The following ATP6V1G2 variants were observed in gnomAD, a reference collection of about 807,000 sequenced individuals.
ATP6V1G2 encodes the protein ATPase H+ transporting V1 subunit G2.
In ATP6V1G2, 14 loss-of-function variants were observed where a neutral mutation model predicts 17.8. The observed-to-expected ratio is 0.79, with a 90% confidence interval of 0.52 to 1.23. ATP6V1G2 has a LOEUF of 1.23. ATP6V1G2 is among the 50% of genes most tolerant of loss of function. The probability of loss-of-function intolerance (pLI) is 0.00; values close to 1 mark genes in which losing one functional copy is unlikely to be tolerated. For synonymous variants in ATP6V1G2, 57 were observed against 54.8 expected (o/e 1.04, Z -0.17); for missense variants, 112 against 152.2 (o/e 0.74, Z 1.39).
chr6:31,544,466 T>C lies in ATP6V1G2; in HGVS notation c.*942A>G, dbSNP rs1768794527. The C allele has an allele frequency of 3.9e-6, 1 of 254,450 alleles. No homozygotes were observed. Among genetic ancestry groups the C allele is most frequent in the African/African-American group, 2.2e-5 (1 of 44,512 alleles). 15.8% of individuals were successfully genotyped at this position (254,450 alleles called of 1,614,324 possible). A position where few individuals can be genotyped will look rare whatever the true frequency, so the allele number is the denominator to read the frequency against. ...GAGGCTGCTTCAACTCACCAATTTA[T>C]TTGCCAATAATTATTTTATTGATAC... On this transcript the variant is annotated 3_prime_UTR_variant, in exon 3 of 3. Coordinates refer to ENST00000303892, the MANE Select transcript of ATP6V1G2 (RefSeq NM_130463.4).
rs367650140 is a variant in ATP6V1G2, at chr6:31,546,260, A to G, written c.83-51T>C. On this transcript the variant is annotated intron_variant, in intron 1 of 2. Transcript: ENST00000303892. This position sits in a 1 kb window ranked among gnomAD's most constrained non-coding sequence, Gnocchi z 4.1. ...GTGGGGATGGACCCACACACACACA[A>G]TGTAATAGCAGGAGTCAGTCCCTTC... 2.6e-4 allele frequency: 386 copies of G among 1,512,030 alleles called. No individual in the cohort carries two copies. In the African/African-American group the frequency reaches 3.7e-3, roughly 15 times the overall value. The allele number at this position is 1,512,030 out of a possible 1,614,324, so 93.7% of individuals were successfully genotyped here. A position where few individuals can be genotyped will look rare whatever the true frequency, so the allele number is the denominator to read the frequency against.
In ATP6V1G2 at chr6:31,544,992, G is replaced by A. The variant is rs975431613; in HGVS notation, c.*416C>T. 9.9e-5 allele frequency: 35 copies of A among 353,138 alleles called. No individual in the cohort carries two copies. The highest frequency in any genetic ancestry group is 1.6e-4 in the Non-Finnish European group (29 of 182,500). The allele number at this position is 353,138 out of a possible 1,614,324, so 21.9% of individuals were successfully genotyped here. A position where few individuals can be genotyped will look rare whatever the true frequency, so the allele number is the denominator to read the frequency against. On this transcript the variant is annotated 3_prime_UTR_variant, in exon 3 of 3. Coordinates refer to ENST00000303892, the MANE Select transcript of ATP6V1G2 (RefSeq NM_130463.4). ...CTAATCATTGAAGCAACCCTCACAA[G>A]GTAGGCATTATTATCATCCCAGTTT... is the stretch of plus-strand genomic sequence containing the variant.
In ATP6V1G2 at chr6:31,545,840, C is replaced by G; in HGVS notation, c.184-259G>C. On this transcript the variant is annotated intron_variant, in intron 2 of 2. Coordinates refer to ENST00000303892, the MANE Select transcript of ATP6V1G2 (RefSeq NM_130463.4). The surrounding 1 kb of genome is among the most constrained non-coding windows in gnomAD (Gnocchi z 4.9). ...CCATCCATGACCATAAAACTCTACC[C>G]TCCACCACAAATGTTAATCATACTC... is the stretch of plus-strand genomic sequence containing the variant. 1.6e-6 allele frequency: 1 copy of G among 611,728 alleles called. No homozygotes were observed. Among genetic ancestry groups the G allele is most frequent in the East Asian group, 2.7e-5 (1 of 36,452 alleles). The allele number at this position is 611,728 out of a possible 1,614,324, so 37.9% of individuals were successfully genotyped here.
chr6:31,544,444 G>A lies in ATP6V1G2; in HGVS notation c.*964C>T. On this transcript the variant is annotated 3_prime_UTR_variant, in exon 3 of 3. Coordinates refer to ENST00000303892, the MANE Select transcript of ATP6V1G2 (RefSeq NM_130463.4). ...ATGAGAAATGATGAGGCAAAAGGAG[G>A]CTGCTTCAACTCACCAATTTATTTG... 1 of 234,034 alleles carries A rather than the reference G, an allele frequency of 4.3e-6. No individual in the cohort carries two copies. Among genetic ancestry groups the A allele is most frequent in the Non-Finnish European group, 8.7e-6 (1 of 114,750 alleles). 14.5% of individuals were successfully genotyped at this position (234,034 alleles called of 1,614,324 possible).
chr6:31,545,801 T>C lies in ATP6V1G2; in HGVS notation c.184-220A>G. The stretch of plus-strand genomic sequence containing the variant: ...CTTCATCCTAAAACAGACCGTAATA[T>C]CCCCACCACCTCACCATCCATGACC... On this transcript the variant is annotated intron_variant, in intron 2 of 2. Coordinates refer to ENST00000303892, the MANE Select transcript of ATP6V1G2 (RefSeq NM_130463.4). The surrounding 1 kb of genome is among the most constrained non-coding windows in gnomAD (Gnocchi z 4.9). 1.6e-6 allele frequency: 1 copy of C among 621,642 alleles called. No homozygotes were observed. 38.5% of individuals were successfully genotyped at this position (621,642 alleles called of 1,614,324 possible). A position where few individuals can be genotyped will look rare whatever the true frequency, so the allele number is the denominator to read the frequency against.
At chr6:31,546,628 T>A, upstream of ATP6V1G2, 1 of 1,412,142 alleles carries the variant, frequency 7.1e-7, no homozygotes, top group Non-Finnish European at 9.9e-7. This position sits in a 1 kb window ranked among gnomAD's most constrained non-coding sequence, Gnocchi z 4.1. Context: ...CCCCCACCGC[T>A]TACTTCTCCT....
In ATP6V1G2 at chr6:31,545,640, C is replaced by G; in HGVS notation, c.184-59G>C. The G allele has an allele frequency of 1.3e-6, 2 of 1,555,566 alleles. No homozygotes were observed. Among genetic ancestry groups the G allele is most frequent in the East Asian group, 2.3e-5 (1 of 44,328 alleles). ...GGGAAAAGCAGAAACAGACAAGGGT[C>G]CAGGCATATGAGGGGAAAGATCCTG... On this transcript the variant is annotated intron_variant, in intron 2 of 2. Coordinates refer to ENST00000303892, the MANE Select transcript of ATP6V1G2 (RefSeq NM_130463.4). This position sits in a 1 kb window ranked among gnomAD's most constrained non-coding sequence, Gnocchi z 4.9.
rs1768953424 is a variant in ATP6V1G2 at position 31,545,996 on chromosome 6, C to T, written c.183+113G>A. The T allele has an allele frequency of 8.4e-6, 9 of 1,069,908 alleles. No homozygotes were observed. The highest frequency in any genetic ancestry group is 3.5e-5 in the Admixed American group (2 of 57,094). 66.3% of individuals were successfully genotyped at this position (1,069,908 alleles called of 1,614,324 possible). ...ATGTTGTGGTCCCTGCCAGGGTCCCCTCAGCCTCAGCCCTCTGCCACCATA... is the reference window on the plus strand; with the variant it reads ...ATGTTGTGGTCCCTGCCAGGGTCCCTTCAGCCTCAGCCCTCTGCCACCATA... On this transcript the variant is annotated intron_variant, in intron 2 of 2. Transcript: ENST00000303892. This position sits in a 1 kb window ranked among gnomAD's most constrained non-coding sequence, Gnocchi z 4.9.
Position 31,545,037 on chromosome 6 carries a change from G to C in ATP6V1G2, c.*371C>G, listed in dbSNP as rs182898730. ...CAGTTTCACAGAGGAGGACATCGAG[G>C]CTACCAAGTTAAGTAGCTTGTCCTG... On this transcript the variant is annotated 3_prime_UTR_variant, in exon 3 of 3. Transcript: ENST00000303892. This position sits in a 1 kb window ranked among gnomAD's most constrained non-coding sequence, Gnocchi z 4.9. The C allele has an allele frequency of 9.9e-6, 4 of 402,256 alleles. No homozygotes were observed. The Admixed American group carries it at 1.6e-4, about 16-fold the overall frequency. The allele number at this position is 402,256 out of a possible 1,614,324, so 24.9% of individuals were successfully genotyped here. A position where few individuals can be genotyped will look rare whatever the true frequency, so the allele number is the denominator to read the frequency against.
upstream of ATP6V1G2, chr6:31,546,621 C>G (rs1769020232): frequency 2.0e-6 from 3 of 1,472,412 alleles, no homozygotes; most frequent in South Asian, 1.1e-5. This position sits in a 1 kb window ranked among gnomAD's most constrained non-coding sequence, Gnocchi z 4.1. Context: ...CTCCCACCCC[C>G]CACCGCTTAC....
chr6:31,544,735 C>T lies in ATP6V1G2; in HGVS notation c.*673G>A, dbSNP rs1314781846. On this transcript the variant is annotated 3_prime_UTR_variant, in exon 3 of 3. Coordinates refer to ENST00000303892, the MANE Select transcript of ATP6V1G2 (RefSeq NM_130463.4). ...GAGAGGGGCTAAATGTAGTCATCTC[C>T]TCTTTTTGGAGATCAGAAGGTCTCT... 1 of 456,588 alleles carries T rather than the reference C, an allele frequency of 2.2e-6. No homozygotes were observed. The highest frequency in any genetic ancestry group is 4.4e-6 in the Non-Finnish European group (1 of 226,970). The allele number at this position is 456,588 out of a possible 1,614,324, so 28.3% of individuals were successfully genotyped here.
Position 31,545,561 on chromosome 6 carries a change from G to A in ATP6V1G2, c.204C>T (p.Asn68=). 1 of 1,613,964 alleles carries A rather than the reference G, an allele frequency of 6.2e-7. No individual in the cohort carries two copies. The highest frequency in any genetic ancestry group is 8.5e-7 in the Non-Finnish European group (1 of 1,179,978). Residue 68 remains asparagine (N), a synonymous_variant, in exon 3 of 3, where the codon AAC becomes AAT. Coordinates refer to ENST00000303892, the MANE Select transcript of ATP6V1G2 (RefSeq NM_130463.4). The surrounding 1 kb of genome is among the most constrained non-coding windows in gnomAD (Gnocchi z 4.9). ...KQQAAMGSQG[N]LSAEVEQATR... The stretch of plus-strand genomic sequence containing the variant: ...TAGCCTGCTCCACCTCAGCAGACAG[G>A]TTCCCCTGGGAGCCCATGGCCTGGG...
In ATP6V1G2 at chr6:31,546,032, G is replaced by A. The variant is rs1237158409; in HGVS notation, c.183+77C>T. ...CCCTCTGCCACCATATTTTCTTGTT[G>A]AGTCACCCTTACACACCTCACTAGA... On this transcript the variant is annotated intron_variant, in intron 2 of 2. Transcript: ENST00000303892. This position sits in a 1 kb window ranked among gnomAD's most constrained non-coding sequence, Gnocchi z 4.1. 7.0e-7 allele frequency: 1 copy of A among 1,425,738 alleles called. No individual in the cohort carries two copies. The highest frequency in any genetic ancestry group is 9.9e-7 in the Non-Finnish European group (1 of 1,009,198). 88.3% of individuals were successfully genotyped at this position (1,425,738 alleles called of 1,614,324 possible).
Position 31,545,775 on chromosome 6 carries a change from A to G in ATP6V1G2, c.184-194T>C. ...CCTTTCCCCTTAGACCTAACATGCA[A>G]CTTCATCCTAAAACAGACCGTAATA... On this transcript the variant is annotated intron_variant, in intron 2 of 2. Coordinates refer to ENST00000303892, the MANE Select transcript of ATP6V1G2 (RefSeq NM_130463.4). This position sits in a 1 kb window ranked among gnomAD's most constrained non-coding sequence, Gnocchi z 4.9. The G allele has an allele frequency of 1.5e-6, 1 of 659,950 alleles. No individual in the cohort carries two copies. Among genetic ancestry groups the G allele is most frequent in the Non-Finnish European group, 2.6e-6 (1 of 391,138 alleles). The allele number at this position is 659,950 out of a possible 1,614,324, so 40.9% of individuals were successfully genotyped here.
upstream of ATP6V1G2, chr6:31,546,671 C>T (rs34568880): frequency 0.015 from 14,644 of 962,290 alleles, 185 homozygotes; most frequent in South Asian, 0.044. This position sits in a 1 kb window ranked among gnomAD's most constrained non-coding sequence, Gnocchi z 4.1. Flanking sequence ...CTCCACTACC[C>T]CTGGGTCTTA....
Position 31,545,474 on chromosome 6 carries a change from G to A in ATP6V1G2, c.291C>T (p.Ala97=). 1.2e-6 allele frequency: 2 copies of A among 1,614,102 alleles called. No individual in the cohort carries two copies. The highest frequency in any genetic ancestry group is 1.7e-6 in the Non-Finnish European group (2 of 1,180,016). ...CGTCGCAGACCATGCCAAGAAGCTGGGCCAGGACACGCTCTCGGTTTCTCT... is the reference window on the plus strand; with the variant it reads ...CGTCGCAGACCATGCCAAGAAGCTGAGCCAGGACACGCTCTCGGTTTCTCT... ...SQQRNRERVL[A]QLLGMVCDVR... is the part of the protein sequence containing the mutation. The change falls in exon 3 of 3, where the codon GCC becomes GCT. Residue 97 remains alanine (A), a synonymous_variant. Coordinates refer to ENST00000303892, the MANE Select transcript of ATP6V1G2 (RefSeq NM_130463.4). The surrounding 1 kb of genome is among the most constrained non-coding windows in gnomAD (Gnocchi z 4.9).
Position 31,546,248 on chromosome 6 carries a change from CA to C in ATP6V1G2, c.83-40del. 4 of 1,518,886 alleles carry C rather than the reference CA, an allele frequency of 2.6e-6. No individual in the cohort carries two copies. Among genetic ancestry groups the C allele is most frequent in the Non-Finnish European group, 3.7e-6 (4 of 1,095,866 alleles). 94.1% of individuals were successfully genotyped at this position (1,518,886 alleles called of 1,614,324 possible). On this transcript the variant is annotated intron_variant, in intron 1 of 2. Transcript: ENST00000303892. The surrounding 1 kb of genome is among the most constrained non-coding windows in gnomAD (Gnocchi z 4.1). ...AAAGGACAGTGAGTGGGGATGGACCCACACACACACAATGTAATAGCAGGAG... is the reference window on the plus strand; with the variant it reads ...AAAGGACAGTGAGTGGGGATGGACCCCACACACACAATGTAATAGCAGGAG...
rs1307393494 is a variant in ATP6V1G2, at chr6:31,545,967, A to G, written c.183+142T>C. 3 of 784,644 alleles carry G rather than the reference A, an allele frequency of 3.8e-6. No individual in the cohort carries two copies. The highest frequency in any genetic ancestry group is 6.5e-6 in the Non-Finnish European group (3 of 463,254). The allele number at this position is 784,644 out of a possible 1,614,324, so 48.6% of individuals were successfully genotyped here. On this transcript the variant is annotated intron_variant, in intron 2 of 2. Coordinates refer to ENST00000303892, the MANE Select transcript of ATP6V1G2 (RefSeq NM_130463.4). The surrounding 1 kb of genome is among the most constrained non-coding windows in gnomAD (Gnocchi z 4.9). ...CTCCTACATATCATCACAAAGTTTC[A>G]CCAATGTTGTGGTCCCTGCCAGGGT...
Position 31,545,340 on chromosome 6 carries a change from G to A in ATP6V1G2, c.*68C>T. On this transcript the variant is annotated 3_prime_UTR_variant, in exon 3 of 3. Transcript: ENST00000303892. The surrounding 1 kb of genome is among the most constrained non-coding windows in gnomAD (Gnocchi z 4.9). The stretch of plus-strand genomic sequence containing the variant: ...AAAGAAGACAGGGATTATGGTGGGA[G>A]GTGATTTTGATTGGAGGATTTCTTT... 6.5e-7 allele frequency: 1 copy of A among 1,528,388 alleles called. No individual in the cohort carries two copies. The highest frequency in any genetic ancestry group is 8.9e-7 in the Non-Finnish European group (1 of 1,123,070). 94.7% of individuals were successfully genotyped at this position (1,528,388 alleles called of 1,614,324 possible). A position where few individuals can be genotyped will look rare whatever the true frequency, so the allele number is the denominator to read the frequency against.
Sources: gnomAD v4.1 joint callset for allele counts on GRCh38, gnomAD v4.1.1 for gene constraint, Gnocchi (gnomAD v3.1) non-coding constraint, MANE v1.5 for transcripts, NCBI Gene and HGNC (gene_info 2026-07-23, HGNC 2026-07-21) for gene names.